Variants in IMMP1L observed in about 807,000 individuals in gnomAD.
IMMP1L encodes the protein inner mitochondrial membrane peptidase subunit 1, also known as mitochondrial inner membrane protease subunit 1.
IMMP1L carries 24 observed loss-of-function variants against 21.8 expected under a neutral mutation model. The observed-to-expected ratio is 1.10, with a 90% CI of 0.80 to 1.55. IMMP1L has a LOEUF of 1.55. Ranked by LOEUF, IMMP1L falls within the 40% of genes most tolerant of loss-of-function variation. The pLI is 0.00. For missense variants in IMMP1L, 195 were observed against 200.7 expected (o/e 0.97, Z 0.17); for synonymous variants, 46 against 62.8 (o/e 0.73, Z 1.26).
chr11:31,490,344 C>T (rs904054998), intron 1 of IMMP1L, among the ~76,000 whole-genome samples: 20 of 151,764 alleles, frequency 1.3e-4, no homozygotes, highest in Non-Finnish European at 2.1e-4. Flanking sequence ...TCGTGGCGCG[C>T]GCCTGTAATC....
intron 1 of IMMP1L, among the ~76,000 whole-genome samples, chr11:31,493,634 T>C (rs990653962): frequency 6.6e-6 from 1 of 152,144 alleles, no homozygotes; most frequent in African/African-American, 2.4e-5. Context: ...AACCCAAAAG[T>C]CCAAGTCCAA....
chr11:31,450,399 G>A (rs1373436736), intron 4 of IMMP1L, among the ~76,000 whole-genome samples: 1 of 130,858 alleles, frequency 7.6e-6, no homozygotes, highest in Non-Finnish European at 1.5e-5. Context: ...AATACTTTAG[G>A]AGACTTAATC....
chr11:31,445,727 A>AT (rs11400521), intron 4 of IMMP1L, among the ~76,000 whole-genome samples: 56,395 of 146,606 alleles, frequency 0.38, 13,528 homozygotes, highest in African/African-American at 0.69. Context: ...TGACAGATGA[A>AT]TTTTTTTTTT....
intron 1 of IMMP1L, among the ~76,000 whole-genome samples, chr11:31,480,710 T>C (rs1954867251): frequency 6.6e-6 from 1 of 152,110 alleles, no homozygotes; most frequent in South Asian, 2.1e-4. Context: ...TACAATTATG[T>C]AGGTTTATTC....
chr11:31,458,458 TCTGA>T (rs1272678682), intron 3 of IMMP1L, among the ~76,000 whole-genome samples: 2 of 152,214 alleles, frequency 1.3e-5, no homozygotes, highest in Admixed American at 1.3e-4. Flanking sequence ...ATAGTAAAAA[TCTGA>T]CTGTCTCAAG....
intron 2 of IMMP1L, among the ~76,000 whole-genome samples, chr11:31,461,069 C>T (rs945672279): frequency 6.6e-6 from 1 of 152,048 alleles, no homozygotes; most frequent in Non-Finnish European, 1.5e-5. Flanking sequence ...ATGTTTGGTA[C>T]AAAATTGATA....
intron 4 of IMMP1L, among the ~76,000 whole-genome samples, chr11:31,439,580 GCTT>G (rs1360634502): frequency 6.6e-6 from 1 of 152,042 alleles, no homozygotes; most frequent in Non-Finnish European, 1.5e-5. Context: ...ACATTTTTCT[GCTT>G]CTTCACATAT....
At chr11:31,443,758 C>G (rs1953419410) in intron 4 of IMMP1L, among the ~76,000 whole-genome samples, 1 of 152,154 alleles carries the variant, frequency 6.6e-6, no homozygotes, top group African/African-American at 2.4e-5. Flanking sequence ...TTGCTGGGAA[C>G]TGTTATTGCC....
intron 1 of IMMP1L, among the ~76,000 whole-genome samples, chr11:31,474,245 A>G (rs557823738): frequency 6.6e-6 from 1 of 152,268 alleles, no homozygotes; most frequent in South Asian, 2.1e-4. Context: ...TCCACTTAAG[A>G]TCCTAGGTAG....
intron 4 of IMMP1L, among the ~76,000 whole-genome samples, chr11:31,453,462 A>G (rs1173526361): frequency 6.6e-6 from 1 of 152,170 alleles, no homozygotes; most frequent in African/African-American, 2.4e-5. Context: ...ATAAACAACA[A>G]TGATTTTTCT....
intron 1 of IMMP1L, among the ~76,000 whole-genome samples, chr11:31,502,085 G>C (rs530205779): frequency 2.6e-5 from 4 of 152,166 alleles, no homozygotes; most frequent in Admixed American, 1.3e-4. Flanking sequence ...TTCAAAGTCA[G>C]AGAGAAAAAA....
At position 31,456,255 on chromosome 11, in the gene IMMP1L, C is replaced by T. The variant is rs772775621; in HGVS notation, c.321+5G>A. The T allele has an allele frequency of 3.2e-6, 5 of 1,574,778 alleles. No homozygotes were observed. In the Admixed American group the frequency reaches 5.2e-5, roughly 16 times the overall value. ...CAAAAATAACATAATTGAAATGTTA[C>T]TTACATAACTATGGCTTTTAAAGAA... is the stretch of plus-strand genomic sequence containing the variant. On this transcript the variant is annotated splice_donor_5th_base_variant and intron_variant, in intron 4 of 5. Transcript: ENST00000532287.
At chr11:31,502,081 G>A (rs1450877466) in intron 1 of IMMP1L, among the ~76,000 whole-genome samples, 1 of 152,016 alleles carries the variant, frequency 6.6e-6, no homozygotes, top group Non-Finnish European at 1.5e-5. Context: ...GTCCTTCAAA[G>A]TCAGAGAGAA....
At chr11:31,500,593 G>GCGCACACACA (rs1554952088) in intron 1 of IMMP1L, among the ~76,000 whole-genome samples, 1 of 55,274 alleles carries the variant, frequency 1.8e-5, no homozygotes, top group Non-Finnish European at 4.2e-5. Flanking sequence ...TTCCACATAT[G>GCGCACACACA]CACACACACA....
chr11:31,449,016 C>T, intron 4 of IMMP1L: 2 of 984,602 alleles, frequency 2.0e-6, no homozygotes, highest in Non-Finnish European at 2.4e-6. Flanking sequence ...AAGGCATTAG[C>T]AGTATGCCAT....
At chr11:31,452,355 C>A (rs1591964863) in intron 4 of IMMP1L, 1 of 985,250 alleles carries the variant, frequency 1.0e-6, no homozygotes, top group East Asian at 1.1e-4. Flanking sequence ...TTTTAATTGG[C>A]TTTATAACAA....
At chr11:31,501,811 A>AAAT (rs1955626738) in intron 1 of IMMP1L, among the ~76,000 whole-genome samples, 1 of 146,900 alleles carries the variant, frequency 6.8e-6, no homozygotes, top group Admixed American at 6.7e-5. Flanking sequence ...ATAAATAAAT[A>AAAT]AATAAATAAA....
At chr11:31,464,410 C>G (rs933057178) in intron 1 of IMMP1L, among the ~76,000 whole-genome samples, 4 of 152,080 alleles carry the variant, frequency 2.6e-5, no homozygotes, top group Non-Finnish European at 4.4e-5. Context: ...TTCCAAAAAA[C>G]TGGAAATTGA....
intron 1 of IMMP1L, among the ~76,000 whole-genome samples, chr11:31,481,502 C>T (rs1954889943): frequency 6.6e-6 from 1 of 151,618 alleles, no homozygotes; most frequent in Non-Finnish European, 1.5e-5. Context: ...TTTAAATAGG[C>T]AATTACTTTC....
Sources: allele counts gnomAD v4.1 joint callset (sites outside exome capture counted in the v4.1 genomes callset), GRCh38; gene constraint gnomAD v4.1.1; transcripts MANE v1.5; gene names NCBI Gene and HGNC (gene_info 2026-07-23, HGNC 2026-07-21).